ADAMTS2: variants seen among roughly 807,000 people sequenced by gnomAD.
The protein encoded by ADAMTS2 is A disintegrin and metalloproteinase with thrombospondin motifs 2.
In ADAMTS2, 50 loss-of-function variants were observed where a neutral mutation model predicts 123.0. The observed-to-expected ratio is 0.41, with a 90% confidence interval of 0.32 to 0.51. The LOEUF is 0.51. Ranked by LOEUF, ADAMTS2 falls within the 20% of genes least tolerant of loss-of-function variation. ADAMTS2 has a pLI of 0.35. For synonymous variants in ADAMTS2, 678 were observed against 695.4 expected (o/e 0.98, Z 0.39); for missense variants, 1,494 against 1,705.2 (o/e 0.88, Z 2.18).
intron 3 of ADAMTS2, among the ~76,000 whole-genome samples, chr5:179,258,126 G>C (rs1581225411): frequency 6.6e-6 from 1 of 152,132 alleles, no homozygotes; most frequent in East Asian, 1.9e-4. Context: ...TGGCCTTCCT[G>C]GGGCCAGTGT....
At chr5:179,209,549 T>TGCACACACATGC (rs764586367) in intron 3 of ADAMTS2, among the ~76,000 whole-genome samples, 1 of 126,386 alleles carries the variant, frequency 7.9e-6, no homozygotes, top group African/African-American at 3.2e-5. Context: ...CACACACATG[T>TGCACACACATGC]ACACACACAC....
rs1450940007 is a variant in ADAMTS2, at chr5:179,303,428, G to C, written c.535-30364C>G. Among the ~76,000 whole-genome samples the C allele has an allele frequency of 6.6e-6, 1 of 152,154 alleles. No individual in the cohort carries two copies. Among genetic ancestry groups the C allele is most frequent in the Non-Finnish European group, 1.5e-5 (1 of 68,030 alleles). The stretch of plus-strand genomic sequence containing the variant: ...CAAAATAAATAACAGCATGCAGATT[G>C]GGGAAGAAGACTAGAATGTGAGGTT... On this transcript the variant is annotated intron_variant, in intron 2 of 21. Coordinates refer to ENST00000251582, the MANE Select transcript of ADAMTS2 (RefSeq NM_014244.5). The surrounding 1 kb of genome is among the most constrained non-coding windows in gnomAD (Gnocchi z 4.7).
intron 3 of ADAMTS2, among the ~76,000 whole-genome samples, chr5:179,211,474 G>A (rs80133239): frequency 0.022 from 3,381 of 152,282 alleles, 107 homozygotes; most frequent in African/African-American, 0.073. Context: ...AGGTAACACA[G>A]AGCTTTCGAG....
intron 2 of ADAMTS2, among the ~76,000 whole-genome samples, chr5:179,273,590 T>A (rs1450858738): frequency 6.6e-6 from 1 of 152,144 alleles, no homozygotes; most frequent in Non-Finnish European, 1.5e-5. Context: ...AATGATGAGA[T>A]TTCATGTCTT....
chr5:179,129,865 G>T lies in ADAMTS2; in HGVS notation c.2457+67C>A. ...AAGGGTCAGGAGGCTCAGCGTCCCA[G>T]GCACCCCCATCCCTCCCCCAGTGGC... On this transcript the variant is annotated intron_variant, in intron 16 of 21. Coordinates refer to ENST00000251582, the MANE Select transcript of ADAMTS2 (RefSeq NM_014244.5). This position sits in a 1 kb window ranked among gnomAD's most constrained non-coding sequence, Gnocchi z 4.1. 1 of 1,598,768 alleles carries T rather than the reference G, an allele frequency of 6.3e-7. No individual in the cohort carries two copies.
chr5:179,250,237 T>C (rs1017035376), intron 3 of ADAMTS2, among the ~76,000 whole-genome samples: 4 of 152,206 alleles, frequency 2.6e-5, no homozygotes, highest in African/African-American at 9.6e-5. Context: ...GTACTCATCA[T>C]GGTCAACTGT....
intron 11 of ADAMTS2, among the ~76,000 whole-genome samples, chr5:179,139,605 C>T (rs1763125712): frequency 6.6e-6 from 1 of 152,180 alleles, no homozygotes; most frequent in African/African-American, 2.4e-5. Flanking sequence ...TCCCTCCTCT[C>T]CTCCATGCCC....
intron 5 of ADAMTS2, among the ~76,000 whole-genome samples, chr5:179,164,054 G>T (rs1421540279): frequency 6.6e-6 from 1 of 152,192 alleles, no homozygotes; most frequent in Non-Finnish European, 1.5e-5. Flanking sequence ...GGTACCCCAA[G>T]AAGTAGAGGA....
chr5:179,154,438 G>A (rs1165587087), intron 7 of ADAMTS2, among the ~76,000 whole-genome samples: 1 of 152,170 alleles, frequency 6.6e-6, no homozygotes, highest in African/African-American at 2.4e-5. Flanking sequence ...ACACCTGGGG[G>A]GGACCGTGGC....
At chr5:179,336,767 G>C (rs1349304785) in intron 2 of ADAMTS2, among the ~76,000 whole-genome samples, 1 of 152,188 alleles carries the variant, frequency 6.6e-6, no homozygotes, top group Admixed American at 6.5e-5. Context: ...AGGTTCTCAG[G>C]ATCGTGGTGC....
intron 4 of ADAMTS2, among the ~76,000 whole-genome samples, chr5:179,203,397 C>T (rs1261962246): frequency 6.6e-6 from 1 of 152,258 alleles, no homozygotes; most frequent in Non-Finnish European, 1.5e-5. Flanking sequence ...TCCCAGCCGG[C>T]TGCTGCCACG....
rs578049453 is a variant in ADAMTS2 at position 179,181,438 on chromosome 5, A to C, written c.892-283T>G. Among the ~76,000 whole-genome samples, 25 of 152,148 alleles carry C rather than the reference A, an allele frequency of 1.6e-4. No homozygotes were observed. The highest frequency in any genetic ancestry group is 4.4e-5 in the Non-Finnish European group (3 of 68,020). The stretch of plus-strand genomic sequence containing the variant: ...TGGGGCCTGAACATGGAACGTGGGC[A>C]GGGAAAGCAGCCCTACGCTTGCTGT... On this transcript the variant is annotated intron_variant, in intron 4 of 21. Coordinates refer to ENST00000251582, the MANE Select transcript of ADAMTS2 (RefSeq NM_014244.5). This position sits in a 1 kb window ranked among gnomAD's most constrained non-coding sequence, Gnocchi z 4.1.
At chr5:179,291,377 T>C (rs1206468644) in intron 2 of ADAMTS2, among the ~76,000 whole-genome samples, 1 of 152,220 alleles carries the variant, frequency 6.6e-6, no homozygotes, top group African/African-American at 2.4e-5. Context: ...TTCCGTGTCA[T>C]TTCCGGGCAG....
rs200044911 is a variant in ADAMTS2 at position 179,121,447 on chromosome 5, GGCCCCAGCAGA to G, written c.3178+203_3178+213del. ...TTACAAGCCATCACCAACCAGGTTC[GGCCCCAGCAGA>G]GGCCCGAGCCCCCGCCAGCAGGCAG... On this transcript the variant is annotated intron_variant, in intron 21 of 21. Coordinates refer to ENST00000251582, the MANE Select transcript of ADAMTS2 (RefSeq NM_014244.5). 0.041 allele frequency: 17,232 copies of G among 419,024 alleles called. 398 individuals carry two copies. The highest frequency in any genetic ancestry group is 0.052 in the Non-Finnish European group (12,308 of 236,994). 26.0% of individuals were successfully genotyped at this position (419,024 alleles called of 1,614,324 possible).
At chr5:179,274,720 G>A (rs777838400) in intron 2 of ADAMTS2, among the ~76,000 whole-genome samples, 4 of 152,230 alleles carry the variant, frequency 2.6e-5, no homozygotes, top group South Asian at 2.1e-4. Flanking sequence ...AGGGCCTGCT[G>A]GGCGGCTGCC....
In ADAMTS2 at chr5:179,135,880, G is replaced by A. The variant is rs192391553; in HGVS notation, c.2085+29C>T. ...CAGGAAGCTGAGACTTGACACGGTA[G>A]CCCCCCGTGCCGGCCTCTGTGTACT... On this transcript the variant is annotated intron_variant, in intron 13 of 21. Coordinates refer to ENST00000251582, the MANE Select transcript of ADAMTS2 (RefSeq NM_014244.5). The A allele has an allele frequency of 2.5e-5, 40 of 1,612,272 alleles. No homozygotes were observed. In the East Asian group the frequency reaches 8.5e-4, roughly 34 times the overall value.
chr5:179,161,696 C>A (rs1375546005), intron 5 of ADAMTS2, among the ~76,000 whole-genome samples: 1 of 152,070 alleles, frequency 6.6e-6, no homozygotes, highest in Admixed American at 6.6e-5. Flanking sequence ...TGAATGTTCC[C>A]AACACAAAGA....
chr5:179,227,703 C>T (rs1474496825), intron 3 of ADAMTS2, among the ~76,000 whole-genome samples: 1 of 152,056 alleles, frequency 6.6e-6, no homozygotes, highest in Non-Finnish European at 1.5e-5. Flanking sequence ...GAAGGGTGTT[C>T]CTGACCACGG....
intron 3 of ADAMTS2, among the ~76,000 whole-genome samples, chr5:179,217,135 A>G (rs986405752): frequency 6.6e-6 from 1 of 152,246 alleles, no homozygotes; most frequent in Admixed American, 6.5e-5. Context: ...CACGGGGGTC[A>G]TCAGTGGGTG....
Sources: gnomAD v4.1 joint callset for allele counts (sites outside exome capture counted in the v4.1 genomes callset) on GRCh38, gnomAD v4.1.1 for gene constraint, Gnocchi (gnomAD v3.1) non-coding constraint, MANE v1.5 for transcripts, NCBI Gene and HGNC (gene_info 2026-07-23, HGNC 2026-07-21) for gene names.